Variants in MSH5 observed in about 807,000 individuals in gnomAD.
MSH5 encodes mutS protein homolog 5.
In MSH5, 78 loss-of-function variants were observed where a neutral mutation model predicts 107.7. The observed-to-expected ratio is 0.72, with a 90% CI of 0.60 to 0.87. The LOEUF (loss-of-function observed/expected upper bound fraction) is 0.87, where lower values mean the gene tolerates loss of function less well. MSH5 is among the 40% of genes least tolerant of loss of function. The probability of loss-of-function intolerance (pLI) is 0.00; values close to 1 mark genes in which losing one functional copy is unlikely to be tolerated. For synonymous variants in MSH5, 326 were observed against 399.5 expected (o/e 0.82, Z 2.19); for missense variants, 889 against 1,046.6 (o/e 0.85, Z 2.08).
Position 31,760,823 on chromosome 6 carries a change from T to C in MSH5, c.1946T>C (p.Met649Thr). The change falls in exon 20 of 25, where the codon ATG (methionine) becomes ACG (threonine). Residue 649 changes from methionine (M) to threonine (T), a missense_variant. By Grantham distance (81) the Met-to-Thr change is moderately conservative (BLOSUM62 -1). Coordinates refer to ENST00000375750, the MANE Select transcript of MSH5 (RefSeq NM_172166.4). The surrounding 1 kb of genome is among the most constrained non-coding windows in gnomAD (Gnocchi z 5.6). ...ESISLGLSTF[M>T]IDLNQVAKAV... is the part of the protein sequence containing the mutation. ...ATCTCCCTTGGCCTCTCCACCTTCA[T>C]GATCGACCTCAACCAGGTCAAAGGG... 6.2e-7 allele frequency: 1 copy of C among 1,612,834 alleles called. No homozygotes were observed. Among genetic ancestry groups the C allele is most frequent in the Non-Finnish European group, 8.5e-7 (1 of 1,179,968 alleles).
At chr6:31,753,010 CCTT>C (rs777102565) in intron 10 of MSH5, among the ~76,000 whole-genome samples, 9 of 152,200 alleles carry the variant, frequency 5.9e-5, no homozygotes, top group Admixed American at 1.3e-4. Flanking sequence ...ACACTGCTCT[CCTT>C]CTAAAATATT....
chr6:31,749,063 C>T (rs143476173), intron 10 of MSH5, among the ~76,000 whole-genome samples: 8 of 151,850 alleles, frequency 5.3e-5, no homozygotes, highest in African/African-American at 1.9e-4. Context: ...TTACAGGGAC[C>T]CACCACCATG....
rs776713339 is a variant in MSH5 at position 31,761,845 on chromosome 6, G to C, written c.2209G>C (p.Asp737His). Residue 737 changes from aspartate (D) to histidine (H), a missense_variant, in exon 23 of 25, where the codon GAT (aspartate) becomes CAT (histidine). Coordinates refer to ENST00000375750, the MANE Select transcript of MSH5 (RefSeq NM_172166.4). This position sits in a 1 kb window ranked among gnomAD's most constrained non-coding sequence, Gnocchi z 5.3. ...CATGGAGACCTGTGAGGATGGCAAC[G>C]ATCTTGTCTTCTTCTATCAGGTTTG... ...LTMETCEDGN[D>H]LVFFYQVCEG... 6.2e-7 allele frequency: 1 copy of C among 1,613,042 alleles called. No individual in the cohort carries two copies. The highest frequency in any genetic ancestry group is 8.5e-7 in the Non-Finnish European group (1 of 1,180,014).
At chr6:31,750,657 G>C (rs757956702) in intron 10 of MSH5, among the ~76,000 whole-genome samples, 6 of 152,146 alleles carry the variant, frequency 3.9e-5, no homozygotes, top group East Asian at 3.8e-4. Context: ...TTTACAGACT[G>C]GCCTACACTG....
intron 10 of MSH5, among the ~76,000 whole-genome samples, chr6:31,752,284 C>G (rs1394237126): frequency 6.6e-6 from 1 of 151,128 alleles, no homozygotes; most frequent in South Asian, 2.1e-4. Context: ...ACTAAAAATA[C>G]AAAAATTAGC....
At chr6:31,741,385 A>ATT in intron 3 of MSH5, 99 bp downstream of exon 3, 21 of 1,046,590 alleles carry the variant, frequency 2.0e-5, no homozygotes, top group East Asian at 6.5e-5. Flanking sequence ...ACACACACAT[A>ATT]TTTTTTTTTT....
intron 12 of MSH5, chr6:31,757,135 TTTTG>T (rs111831265): frequency 1.3e-3 from 194 of 152,072 alleles, no homozygotes; most frequent in African/African-American, 3.1e-3. Flanking sequence ...TTTTTTTGTT[TTTTG>T]TTTGTTTGTT....
Position 31,761,887 on chromosome 6 carries a change from G to A in MSH5, c.2251G>A (p.Ala751Thr). 6.2e-7 allele frequency: 1 copy of A among 1,613,208 alleles called. No individual in the cohort carries two copies. Among genetic ancestry groups the A allele is most frequent in the East Asian group, 2.2e-5 (1 of 44,860 alleles). ...FYQVCEGVAK[A>T]SHASHTAAQA... ...TCAGGTTTGCGAAGGTGTTGCGAAG[G>A]CCAGCCATGCCTCCCACACAGCTGC... The change falls in exon 23 of 25, where the codon GCC becomes ACC. Residue 751 changes from alanine to threonine, a missense_variant. Transcript: ENST00000375750. This position sits in a 1 kb window ranked among gnomAD's most constrained non-coding sequence, Gnocchi z 5.3.
intron 10 of MSH5, among the ~76,000 whole-genome samples, chr6:31,751,079 A>G (rs1809911543): frequency 6.6e-6 from 1 of 151,960 alleles, no homozygotes; most frequent in Non-Finnish European, 1.5e-5. Flanking sequence ...GCTCATTGCA[A>G]GCTCCACCTC....
chr6:31,743,310 C>T, intron 5 of MSH5, 140 bp downstream of exon 5: 1 of 845,834 alleles, frequency 1.2e-6, no homozygotes, highest in Non-Finnish European at 1.9e-6. Flanking sequence ...TATGACCTGT[C>T]CCCCCAAGAT....
chr6:31,758,169 T>C lies in MSH5; in HGVS notation c.1019T>C (p.Val340Ala), dbSNP rs975768398. ...CTTTTTGTGTTTCTCTCACAGACTG[T>C]GTACAGTGCCCTGGGCCTGAGGGAT... Reference protein sequence around the residue: ...VSDWQVLYKTVYSALGLRDAC... With the variant: ...VSDWQVLYKTAYSALGLRDAC... The change falls in exon 13 of 25, where the codon GTG becomes GCG. Residue 340 changes from valine (V) to alanine (A), a missense_variant. Coordinates refer to ENST00000375750, the MANE Select transcript of MSH5 (RefSeq NM_172166.4). The surrounding 1 kb of genome is among the most constrained non-coding windows in gnomAD (Gnocchi z 5.1). 7.4e-6 allele frequency: 12 copies of C among 1,612,900 alleles called. No homozygotes were observed. The highest frequency in any genetic ancestry group is 1.0e-5 in the Non-Finnish European group (12 of 1,180,022).
chr6:31,744,759 A>T (rs1057083690), intron 8 of MSH5, among the ~76,000 whole-genome samples, 178 bp downstream of exon 8: 8 of 152,100 alleles, frequency 5.3e-5, no homozygotes, highest in Non-Finnish European at 8.8e-5. Flanking sequence ...TAAAGATACT[A>T]GCTTTCTTTT....
intron 12 of MSH5, chr6:31,754,181 G>C (rs2151365044): frequency 6.7e-6 from 1 of 149,028 alleles, no homozygotes; most frequent in African/African-American, 2.5e-5. Context: ...ACAGAGTCTT[G>C]CTCTGTCGCC....
chr6:31,762,533 A>G lies in MSH5; in HGVS notation c.*2A>G, dbSNP rs940675624. On this transcript the variant is annotated 3_prime_UTR_variant, in exon 25 of 25. Coordinates refer to ENST00000375750, the MANE Select transcript of MSH5 (RefSeq NM_172166.4). The stretch of plus-strand genomic sequence containing the variant: ...CCTGCTGCCACCAGCATCCTCTGAG[A>G]GTCCTTCCAGTGTCCTCCCCAGCCT... 6.9e-6 allele frequency: 11 copies of G among 1,604,748 alleles called. No individual in the cohort carries two copies. In the Admixed American group the frequency reaches 1.5e-4, roughly 22 times the overall value.
chr6:31,758,445 G>A lies in MSH5; in HGVS notation c.1144-103G>A. ...CAGAACTTCAGGGAAGTATCTGGAGGGTGAGAGTTAAAGGAGGACTGCAGG... is the reference window on the plus strand; with the variant it reads ...CAGAACTTCAGGGAAGTATCTGGAGAGTGAGAGTTAAAGGAGGACTGCAGG... On this transcript the variant is annotated intron_variant, in intron 13 of 24. Transcript: ENST00000375750. The surrounding 1 kb of genome is among the most constrained non-coding windows in gnomAD (Gnocchi z 5.1). The A allele has an allele frequency of 1.9e-6, 3 of 1,554,904 alleles. No homozygotes were observed. Among genetic ancestry groups the A allele is most frequent in the Non-Finnish European group, 1.8e-6 (2 of 1,131,272 alleles).
In MSH5 at chr6:31,753,589, T is replaced by C; in HGVS notation, c.974T>C (p.Leu325Ser). ...TAGCTGATTCTGAAACGCATGAAGTTGTCCCACACCAAGGTCAGCGACTGG... is the reference window on the plus strand; with the variant it reads ...TAGCTGATTCTGAAACGCATGAAGTCGTCCCACACCAAGGTCAGCGACTGG... Reference protein sequence around the residue: ...NVPLILKRMKLSHTKVSDWQV... With the variant: ...NVPLILKRMKSSHTKVSDWQV... Residue 325 changes from leucine (L) to serine (S), a missense_variant, in exon 12 of 25, where the codon TTG becomes TCG. Physicochemically the swap from Leu to Ser is moderately radical, Grantham distance 145. Coordinates refer to ENST00000375750, the MANE Select transcript of MSH5 (RefSeq NM_172166.4). 1 of 1,614,150 alleles carries C rather than the reference T, an allele frequency of 6.2e-7. No individual in the cohort carries two copies. Among genetic ancestry groups the C allele is most frequent in the South Asian group, 1.1e-5 (1 of 91,080 alleles).
Position 31,740,168 on chromosome 6 carries a change from T to C in MSH5, c.-14+106T>C. On this transcript the variant is annotated intron_variant, in intron 1 of 24. Transcript: ENST00000375750. This position sits in a 1 kb window ranked among gnomAD's most constrained non-coding sequence, Gnocchi z 4.4. ...CGCGTGGTTGGCAGAGGCAGAGACA[T>C]AAGACGTGCACGACTCGCCCCACAG... The C allele has an allele frequency of 3.1e-6, 1 of 318,674 alleles. No individual in the cohort carries two copies. 19.7% of individuals were successfully genotyped at this position (318,674 alleles called of 1,614,324 possible). A position where few individuals can be genotyped will look rare whatever the true frequency, so the allele number is the denominator to read the frequency against.
In MSH5 at chr6:31,743,178, C is replaced by T; in HGVS notation, c.415+8C>T. The T allele has an allele frequency of 6.2e-7, 1 of 1,612,638 alleles. No individual in the cohort carries two copies. Among genetic ancestry groups the T allele is most frequent in the Non-Finnish European group, 8.5e-7 (1 of 1,179,732 alleles). ...TGCCAAGTGTGGATTTTGGTATCTC[C>T]TTCCTTTTGCTTTGCCTAACTCCCT... On this transcript the variant is annotated splice_region_variant and intron_variant, in intron 5 of 24. Transcript: ENST00000375750.
In MSH5 at chr6:31,760,875, G is replaced by A. The variant is rs1810929129; in HGVS notation, c.1962+36G>A. ...ACAAAGGGAGGTGGGATTGAGGAAG[G>A]GGATAATGGGAAAGGAACCCCTGAA... On this transcript the variant is annotated intron_variant, in intron 20 of 24. Coordinates refer to ENST00000375750, the MANE Select transcript of MSH5 (RefSeq NM_172166.4). The surrounding 1 kb of genome is among the most constrained non-coding windows in gnomAD (Gnocchi z 5.6). The A allele has an allele frequency of 3.1e-6, 5 of 1,595,928 alleles. No individual in the cohort carries two copies. The Admixed American group carries it at 5.2e-5, about 17-fold the overall frequency.
Sources: allele counts gnomAD v4.1 joint callset (sites outside exome capture counted in the v4.1 genomes callset), GRCh38; gene constraint gnomAD v4.1.1; non-coding constraint Gnocchi (gnomAD v3.1); transcripts MANE v1.5; gene names NCBI Gene and HGNC (gene_info 2026-07-23, HGNC 2026-07-21).